Variants in STRN3 observed in about 807,000 individuals in gnomAD.
The protein encoded by STRN3 is striatin 3, also known as striatin-3.
A neutral mutation model predicts 95.6 loss-of-function variants in STRN3; 29 were observed. That is an observed-to-expected ratio of 0.30 (90% CI 0.23 to 0.41). The LOEUF is 0.41. STRN3 is among the 10% of genes least tolerant of loss of function. The pLI, the probability that STRN3 is intolerant of heterozygous loss-of-function variation, is 1.00. For synonymous variants in STRN3, 331 were observed against 357.6 expected, an observed-to-expected ratio of 0.93 and a Z score of 0.84; for missense variants, 890 against 972.1, an observed-to-expected ratio of 0.92 and a Z score of 1.12.
intron 5 of STRN3, among the ~76,000 whole-genome samples, chr14:30,941,172 C>T: frequency 6.6e-6 from 1 of 152,142 alleles, no homozygotes; most frequent in East Asian, 1.9e-4. Context: ...AAATAAATTT[C>T]TATTGTTTAT....
chr14:30,977,077 T>A (rs913884667), intron 1 of STRN3, among the ~76,000 whole-genome samples: 3 of 151,660 alleles, frequency 2.0e-5, no homozygotes, highest in African/African-American at 7.3e-5. Context: ...ATACAAAAAA[T>A]TCGCTGGGTA....
chr14:30,919,934 AG>A (rs1272079609), intron 8 of STRN3, among the ~76,000 whole-genome samples: 4 of 152,186 alleles, frequency 2.6e-5, no homozygotes, highest in Non-Finnish European at 5.9e-5. Context: ...AAAGAAAATA[AG>A]TTTTAAGAAT....
rs373654619 is a variant in STRN3 at position 30,902,530 on chromosome 14, G to C, written c.2137+6C>G. 10 of 1,550,712 alleles carry C rather than the reference G, an allele frequency of 6.4e-6. No individual in the cohort carries two copies. The African/African-American group carries it at 1.2e-4, about 19-fold the overall frequency. On this transcript the variant is annotated splice_donor_region_variant and intron_variant, in intron 16 of 17. Coordinates refer to ENST00000357479, the MANE Select transcript of STRN3 (RefSeq NM_001083893.2). ...TACTAATATGAAAAGAAGACAATTTGCTTACCCGTTTTATTGTCAAAAAAT... is the reference window on the plus strand; with the variant it reads ...TACTAATATGAAAAGAAGACAATTTCCTTACCCGTTTTATTGTCAAAAAAT...
At chr14:30,980,316 A>G (rs1356537257) in intron 1 of STRN3, among the ~76,000 whole-genome samples, 1 of 152,192 alleles carries the variant, frequency 6.6e-6, no homozygotes, top group African/African-American at 2.4e-5. Flanking sequence ...AGACCACTAG[A>G]GGTCACCAGC....
intron 16 of STRN3, among the ~76,000 whole-genome samples, chr14:30,897,767 C>T (rs748852350): frequency 1.1e-4 from 17 of 151,970 alleles, no homozygotes; most frequent in Non-Finnish European, 2.4e-4. Context: ...CTCTGCTAGC[C>T]CAAAGAACAG....
chr14:30,929,447 G>T, intron 7 of STRN3, 136 bp from the exon 8 acceptor site: 1 of 660,124 alleles, frequency 1.5e-6, no homozygotes, highest in Non-Finnish European at 2.5e-6. Flanking sequence ...TAAAGGTGCA[G>T]TCTCAGTTCT....
intron 1 of STRN3, among the ~76,000 whole-genome samples, chr14:30,963,568 C>T (rs1178462018): frequency 6.6e-6 from 1 of 152,136 alleles, no homozygotes; most frequent in Non-Finnish European, 1.5e-5. Context: ...GCCACCAAAC[C>T]CAGCTAATTT....
At chr14:30,957,468 A>AAAAAAGAG (rs1555320671) in intron 1 of STRN3, among the ~76,000 whole-genome samples, 3 of 139,112 alleles carry the variant, frequency 2.2e-5, no homozygotes, top group Non-Finnish European at 3.0e-5. Flanking sequence ...AAAAAAAAAA[A>AAAAAAGAG]AGAGAGAGAG....
intron 1 of STRN3, among the ~76,000 whole-genome samples, chr14:30,966,264 G>A (rs1880501830): frequency 6.6e-6 from 1 of 152,214 alleles, no homozygotes; most frequent in Non-Finnish European, 1.5e-5. Context: ...GTCCAAGTGT[G>A]CGCTCACCAT....
chr14:30,985,581 C>A (rs747648986), intron 1 of STRN3, among the ~76,000 whole-genome samples: 5 of 140,650 alleles, frequency 3.6e-5, no homozygotes, highest in Non-Finnish European at 7.6e-5. Context: ...CCAGCCTGGG[C>A]AACGAGAGCG....
At chr14:30,992,183 G>A (rs1011827298) in intron 1 of STRN3, among the ~76,000 whole-genome samples, 1 of 151,744 alleles carries the variant, frequency 6.6e-6, no homozygotes, top group African/African-American at 2.4e-5. Flanking sequence ...GCTGAGGCGG[G>A]CGGATCACCT....
intron 7 of STRN3, among the ~76,000 whole-genome samples, chr14:30,932,593 T>G (rs1426703239): frequency 2.6e-5 from 4 of 152,186 alleles, no homozygotes; most frequent in Non-Finnish European, 5.9e-5. Context: ...TTTCGATTAC[T>G]TCCACTTACA....
In STRN3 at chr14:30,893,893, C is replaced by T. The variant is rs1445086136; in HGVS notation, c.*1518G>A. 4 of 152,534 alleles carry T rather than the reference C, an allele frequency of 2.6e-5. No individual in the cohort carries two copies. The highest frequency in any genetic ancestry group is 4.8e-5 in the African/African-American group (2 of 41,402). 9.4% of individuals were successfully genotyped at this position (152,534 alleles called of 1,614,324 possible). On this transcript the variant is annotated 3_prime_UTR_variant, in exon 18 of 18. Transcript: ENST00000357479. ...TAGCCAACAGTAACATACAGGTACACAATTTAATATTTATTATATGCATTT... is the reference window on the plus strand; with the variant it reads ...TAGCCAACAGTAACATACAGGTACATAATTTAATATTTATTATATGCATTT...
chr14:30,922,681 C>G (rs758801550), intron 8 of STRN3, among the ~76,000 whole-genome samples: 39 of 152,076 alleles, frequency 2.6e-4, no homozygotes, highest in Non-Finnish European at 4.6e-4. Flanking sequence ...TATTTTAGCA[C>G]AAAAATTTAG....
chr14:30,925,223 G>C (rs892125818), intron 8 of STRN3, among the ~76,000 whole-genome samples: 17 of 151,830 alleles, frequency 1.1e-4, no homozygotes, highest in Admixed American at 2.0e-4. Context: ...CCTCTTGCTG[G>C]GGGGAGGGGG....
At chr14:30,908,433 C>T (rs1042448035) in intron 13 of STRN3, among the ~76,000 whole-genome samples, 1 of 152,104 alleles carries the variant, frequency 6.6e-6, no homozygotes, top group Non-Finnish European at 1.5e-5. Flanking sequence ...TGTTGTTGTT[C>T]CCATTATATT....
intron 16 of STRN3, among the ~76,000 whole-genome samples, chr14:30,899,917 T>C (rs1028278345): frequency 1.4e-4 from 22 of 152,264 alleles, no homozygotes; most frequent in Admixed American, 8.5e-4. Context: ...AGTTCTATCA[T>C]GTTTCAGATA....
Position 30,990,870 on chromosome 14 carries a change from A to G in STRN3, c.283-34628T>C, listed in dbSNP as rs949046023. The stretch of plus-strand genomic sequence containing the variant: ...TGTTTAGGGAATAATGACAAAGAAA[A>G]AAGTCTGTACATGTGCAGTACAGAT... On this transcript the variant is annotated intron_variant, in intron 1 of 17. Transcript: ENST00000357479. Among the ~76,000 whole-genome samples the G allele has an allele frequency of 4.6e-5, 7 of 152,188 alleles. No homozygotes were observed. The South Asian group carries it at 1.4e-3, about 32-fold the overall frequency.
Position 30,929,295 on chromosome 14 carries a change from G to C in STRN3, c.1005C>G (p.Ser335=). The change falls in exon 8 of 18, where the codon TCC becomes TCG. Residue 335 remains serine (S), a synonymous_variant. Coordinates refer to ENST00000357479, the MANE Select transcript of STRN3 (RefSeq NM_001083893.2). ...CTACATCCCAAACCTCAGCAGTTGG[G>C]GAGAGGTCATCTTTATCTACATGCA... is the stretch of plus-strand genomic sequence containing the variant. ...DGTEWDKDDL[S]PTAEVWDVDQ... 1 of 1,613,310 alleles carries C rather than the reference G, an allele frequency of 6.2e-7. No homozygotes were observed. Among genetic ancestry groups the C allele is most frequent in the Non-Finnish European group, 8.5e-7 (1 of 1,179,640 alleles).
Sources: allele counts gnomAD v4.1 joint callset (sites outside exome capture counted in the v4.1 genomes callset), GRCh38; gene constraint gnomAD v4.1.1; transcripts MANE v1.5; gene names NCBI Gene and HGNC (gene_info 2026-07-23, HGNC 2026-07-21).